The following DZIP3 variants were observed in gnomAD, a reference collection of about 807,000 sequenced individuals.
The protein encoded by DZIP3 is DAZ interacting zinc finger protein 3.
In DZIP3, 118 loss-of-function variants were observed where a neutral mutation model predicts 162.0. The ratio of observed to expected loss-of-function variants is 0.73; its 90% confidence interval spans 0.63 to 0.85. The LOEUF is 0.85. Ranked by LOEUF, DZIP3 falls within the 40% of genes least tolerant of loss-of-function variation. DZIP3 has a pLI of 0.00. For synonymous variants in DZIP3, 438 were observed against 458.6 expected (o/e 0.96, Z 0.57); for missense variants, 1,331 against 1,407.0 (o/e 0.95, Z 0.86).
chr3:108,678,264 A>G (rs1944184004), intron 26 of DZIP3, among the ~76,000 whole-genome samples: 1 of 151,904 alleles, frequency 6.6e-6, no homozygotes, highest in Non-Finnish European at 1.5e-5. Flanking sequence ...AGTGAGTTAT[A>G]TGATTATTTT....
At chr3:108,617,249 G>T (rs1941067382) in intron 5 of DZIP3, among the ~76,000 whole-genome samples, 1 of 152,142 alleles carries the variant, frequency 6.6e-6, no homozygotes, top group African/African-American at 2.4e-5. Flanking sequence ...ATTGCCTAGA[G>T]TAGATTTTAA....
Position 108,608,013 on chromosome 3 carries a change from T to A in DZIP3, c.33-76T>A. 2.4e-6 allele frequency: 3 copies of A among 1,244,932 alleles called. No individual in the cohort carries two copies. In the East Asian group the frequency reaches 7.0e-5, roughly 29 times the overall value. The allele number at this position is 1,244,932 out of a possible 1,614,324, so 77.1% of individuals were successfully genotyped here. On this transcript the variant is annotated intron_variant, in intron 2 of 32. Coordinates refer to ENST00000361582, the MANE Select transcript of DZIP3 (RefSeq NM_014648.4). Reference sequence around the variant, plus strand: ...ACACTTTCAGACAATAATTCAATTGTTAGATTCTTTACTACTACAATTTGT... The same window carrying A: ...ACACTTTCAGACAATAATTCAATTGATAGATTCTTTACTACTACAATTTGT...
chr3:108,655,662 G>A (rs1357987917), intron 19 of DZIP3, among the ~76,000 whole-genome samples: 3 of 152,246 alleles, frequency 2.0e-5, no homozygotes, highest in Non-Finnish European at 2.9e-5. Context: ...AGGACAGTGG[G>A]TGCGGCGCAC....
chr3:108,669,814 G>T, intron 22 of DZIP3, 65 bp downstream of exon 22: 1 of 1,302,946 alleles, frequency 7.7e-7, no homozygotes, highest in East Asian at 2.3e-5. Flanking sequence ...AACACTTTCT[G>T]GCTGGCATAT....
In DZIP3 at chr3:108,605,423, A is replaced by C. The variant is rs141296851; in HGVS notation, c.17A>C (p.Asp6Ala). The C allele has an allele frequency of 8.1e-6, 13 of 1,613,386 alleles. No individual in the cohort carries two copies. The highest frequency in any genetic ancestry group is 1.1e-5 in the Non-Finnish European group (13 of 1,179,684). MDSLP[D>A]EFFVRHPAVE... is the part of the protein sequence containing the mutation. ...TTGTGCAGCATGGATTCTCTACCAG[A>C]TGAATTTTTTGTGAGGTAAGGCCAC... Residue 6 changes from aspartate (D) to alanine (A), a missense_variant, in exon 2 of 33, where the codon GAT becomes GCT. Asp to Ala is a moderately radical substitution (Grantham distance 126, BLOSUM62 -2). Coordinates refer to ENST00000361582, the MANE Select transcript of DZIP3 (RefSeq NM_014648.4).
In DZIP3 at chr3:108,616,472, G is replaced by A. The variant is rs554121359; in HGVS notation, c.259-69G>A. ...TTTCTCCAATGAGCATGAATTATTTGTATAATGTAAACATATGTAGATGTT... is the reference window on the plus strand; with the variant it reads ...TTTCTCCAATGAGCATGAATTATTTATATAATGTAAACATATGTAGATGTT... On this transcript the variant is annotated intron_variant, in intron 4 of 32. Transcript: ENST00000361582. 92 of 1,008,470 alleles carry A rather than the reference G, an allele frequency of 9.1e-5. No homozygotes were observed. In the African/African-American group the frequency reaches 1.2e-3, roughly 13 times the overall value. The allele number at this position is 1,008,470 out of a possible 1,614,324, so 62.5% of individuals were successfully genotyped here.
chr3:108,617,652 T>A (rs557575594), intron 5 of DZIP3, among the ~76,000 whole-genome samples: 1 of 152,292 alleles, frequency 6.6e-6, no homozygotes, highest in South Asian at 2.1e-4. Flanking sequence ...AAATAATACT[T>A]ATTTAGGATT....
At chr3:108,631,823 A>G (rs749842429) in intron 8 of DZIP3, among the ~76,000 whole-genome samples, 2 of 151,620 alleles carry the variant, frequency 1.3e-5, no homozygotes, top group Admixed American at 6.6e-5. Flanking sequence ...TATTTCCTGT[A>G]TCACCAGTTT....
rs9825142 is a variant in DZIP3, at chr3:108,627,801, C to T, written c.582-1261C>T. Among the ~76,000 whole-genome samples the T allele has an allele frequency of 9.9e-3, 1,499 of 151,988 alleles. 20 individuals carry two copies. The highest frequency in any genetic ancestry group is 0.034 in the African/African-American group (1,408 of 41,474). On this transcript the variant is annotated intron_variant, in intron 7 of 32. Coordinates refer to ENST00000361582, the MANE Select transcript of DZIP3 (RefSeq NM_014648.4). ...AATTCTTATGATTAACAAGCTTTTT[C>T]GTCCTGGGCAAGGGCTCTGTTTTCT...
chr3:108,678,082 A>G (rs995751696), intron 26 of DZIP3, among the ~76,000 whole-genome samples: 8 of 151,864 alleles, frequency 5.3e-5, no homozygotes, highest in Non-Finnish European at 2.9e-5. Context: ...GCAGCACTAG[A>G]TTCTCACAGG....
intron 21 of DZIP3, among the ~76,000 whole-genome samples, chr3:108,667,899 A>AT (rs1943748524): frequency 6.6e-6 from 1 of 152,128 alleles, no homozygotes; most frequent in African/African-American, 2.4e-5. Flanking sequence ...GTGGGATGAG[A>AT]TGGAAGAAAA....
At chr3:108,633,757 G>C (rs1941997773) in intron 9 of DZIP3, among the ~76,000 whole-genome samples, 1 of 84,472 alleles carries the variant, frequency 1.2e-5, no homozygotes, top group African/African-American at 5.4e-5. Flanking sequence ...ACTTCTGATA[G>C]ATCTCTCTCT....
At chr3:108,657,924 A>C (rs7645526) in intron 19 of DZIP3, among the ~76,000 whole-genome samples, 152,094 of 152,244 alleles carry the variant, frequency 1, 75,972 homozygotes, top group Middle Eastern at 1. Context: ...GGGATCAATT[A>C]AACAAGAAGA....
chr3:108,651,660 AT>A (rs758789872), intron 18 of DZIP3, among the ~76,000 whole-genome samples: 22 of 151,580 alleles, frequency 1.5e-4, no homozygotes, highest in Non-Finnish European at 2.8e-4. Flanking sequence ...CTTAACCTGC[AT>A]TTTTTTAATC....
At chr3:108,673,568 T>C (rs999707000) in intron 23 of DZIP3, among the ~76,000 whole-genome samples, 3 of 151,942 alleles carry the variant, frequency 2.0e-5, no homozygotes, top group African/African-American at 7.2e-5. Context: ...AGTAGTGATA[T>C]GGAAAGGATT....
At chr3:108,593,676 C>CTT (rs79432134) in intron 1 of DZIP3, among the ~76,000 whole-genome samples, 6 of 121,038 alleles carry the variant, frequency 5.0e-5, no homozygotes, top group African/African-American at 1.8e-4. Flanking sequence ...GAATTTCTTT[C>CTT]TTTTTTTTTT....
intron 19 of DZIP3, among the ~76,000 whole-genome samples, chr3:108,658,871 A>G (rs1025249797): frequency 2.0e-5 from 3 of 152,314 alleles, no homozygotes; most frequent in Admixed American, 2.0e-4. Context: ...ACCTCTACGC[A>G]AATAAACTAG....
intron 2 of DZIP3, among the ~76,000 whole-genome samples, chr3:108,606,631 A>G (rs1940394645): frequency 6.6e-6 from 1 of 152,206 alleles, no homozygotes; most frequent in Non-Finnish European, 1.5e-5. Context: ...GGGAGGATAA[A>G]AGGTCATTTG....
chr3:108,651,895 A>C (rs1002136847), intron 18 of DZIP3, among the ~76,000 whole-genome samples: 3 of 151,834 alleles, frequency 2.0e-5, no homozygotes, highest in Non-Finnish European at 3.0e-5. Flanking sequence ...TCTTTAAAAC[A>C]GCAGTAAGAT....
Sources: gnomAD v4.1 joint callset for allele counts (sites outside exome capture counted in the v4.1 genomes callset) on GRCh38, gnomAD v4.1.1 for gene constraint, MANE v1.5 for transcripts, NCBI Gene and HGNC (gene_info 2026-07-23, HGNC 2026-07-21) for gene names.